Variants in RAB5B observed in about 807,000 individuals in gnomAD.
The protein encoded by RAB5B is RAB5B, member RAS oncogene family.
Under a neutral mutation model 28.6 loss-of-function variants are expected in RAB5B, and 11 were observed. The observed-to-expected ratio is 0.38, with a 90% CI of 0.24 to 0.64. The LOEUF (loss-of-function observed/expected upper bound fraction) is 0.64. RAB5B is among the 30% of genes least tolerant of loss of function. RAB5B has a pLI of 0.53. For missense variants in RAB5B, 169 were observed against 265.6 expected (o/e 0.64, Z 2.53); for synonymous variants, 93 against 97.9 (o/e 0.95, Z 0.29).
intron 1 of RAB5B, among the ~76,000 whole-genome samples, chr12:55,978,519 G>A (rs1419523386): frequency 6.6e-6 from 1 of 150,862 alleles, no homozygotes; most frequent in Non-Finnish European, 1.5e-5. Context: ...AAAAAAAAAA[G>A]AACCCAAATG....
At chr12:55,989,476 G>T (rs1041101124) in intron 2 of RAB5B, among the ~76,000 whole-genome samples, 1 of 151,824 alleles carries the variant, frequency 6.6e-6, no homozygotes, top group Non-Finnish European at 1.5e-5. Flanking sequence ...GTTTTGCCGT[G>T]TTGGCCAGAC....
In RAB5B at chr12:55,994,971, C is replaced by G. The variant is rs1373709836; in HGVS notation, c.*2759C>G. 1 of 151,992 alleles carries G rather than the reference C, an allele frequency of 6.6e-6. No homozygotes were observed. Among genetic ancestry groups the G allele is most frequent in the African/African-American group, 2.4e-5 (1 of 41,358 alleles). The allele number at this position is 151,992 out of a possible 1,614,324, so 9.4% of individuals were successfully genotyped here. A position where few individuals can be genotyped will look rare whatever the true frequency, so the allele number is the denominator to read the frequency against. ...TTCATCAAATCAAACCCTATTATAT[C>G]TTTTTAGGCCCTCTTAACAGAATGT... On this transcript the variant is annotated 3_prime_UTR_variant, in exon 6 of 6. Transcript: ENST00000360299.
Position 55,995,869 on chromosome 12 carries a change from G to A in RAB5B, c.*3657G>A, listed in dbSNP as rs2136498603. 6.7e-6 allele frequency: 1 copy of A among 148,648 alleles called. No homozygotes were observed. Among genetic ancestry groups the A allele is most frequent in the Middle Eastern group, 3.5e-3 (1 of 282 alleles). 9.2% of individuals were successfully genotyped at this position (148,648 alleles called of 1,614,324 possible). ...TAGATAGTCCCTAACTGACTTCTCT[G>A]TATCTTCCTTTGGCTGAGACTTTTT... On this transcript the variant is annotated 3_prime_UTR_variant, in exon 6 of 6. Transcript: ENST00000360299.
intron 1 of RAB5B, among the ~76,000 whole-genome samples, chr12:55,975,268 G>C (rs1392980284): frequency 2.6e-5 from 4 of 152,188 alleles, no homozygotes; most frequent in African/African-American, 9.7e-5. Context: ...TTCCCAGGCA[G>C]GTAATGGAGT....
chr12:55,987,704 G>T (rs1455701199), intron 2 of RAB5B, among the ~76,000 whole-genome samples: 1 of 151,586 alleles, frequency 6.6e-6, no homozygotes, highest in Non-Finnish European at 1.5e-5. Context: ...GGTGGCAGGC[G>T]CCTGTAATCC....
intron 1 of RAB5B, among the ~76,000 whole-genome samples, chr12:55,974,884 G>A (rs1429579403): frequency 6.6e-6 from 1 of 151,882 alleles, no homozygotes; most frequent in Non-Finnish European, 1.5e-5. Flanking sequence ...GTAATTTGAA[G>A]CTTTTTAAAA....
chr12:55,989,628 T>C (rs536687840), intron 2 of RAB5B, among the ~76,000 whole-genome samples: 27 of 152,356 alleles, frequency 1.8e-4, no homozygotes, highest in Non-Finnish European at 3.4e-4. Flanking sequence ...AGCTATTTTC[T>C]CTGTCATTTG....
chr12:55,982,424 G>T (rs1889835038), intron 1 of RAB5B, among the ~76,000 whole-genome samples: 1 of 152,008 alleles, frequency 6.6e-6, no homozygotes, highest in African/African-American at 2.4e-5. Flanking sequence ...CTTAGAGGTG[G>T]CTCAACAATT....
chr12:55,975,009 TG>T, intron 1 of RAB5B, among the ~76,000 whole-genome samples: 1 of 152,208 alleles, frequency 6.6e-6, no homozygotes, highest in Non-Finnish European at 1.5e-5. Context: ...TACTGCAGTC[TG>T]TTTCTTAACT....
intron 3 of RAB5B, 94 bp from the exon 4 acceptor site, chr12:55,990,588 C>G: frequency 6.6e-7 from 1 of 1,511,838 alleles, no homozygotes. Context: ...GGGAAGACCA[C>G]CTAGAAGAGG....
intron 5 of RAB5B, chr12:55,991,809 C>G (rs1890132335): frequency 1.2e-5 from 5 of 425,190 alleles, no homozygotes; most frequent in Non-Finnish European, 1.3e-5. Flanking sequence ...CACCTGTAGT[C>G]CCAGCTACTT....
rs201099877 is a variant in RAB5B, at chr12:55,990,816, C to G, written c.438+12C>G. 3 of 1,612,886 alleles carry G rather than the reference C, an allele frequency of 1.9e-6. No homozygotes were observed. Among genetic ancestry groups the G allele is most frequent in the East Asian group, 2.2e-5 (1 of 44,844 alleles). On this transcript the variant is annotated intron_variant, in intron 4 of 5. Coordinates refer to ENST00000360299, the MANE Select transcript of RAB5B (RefSeq NM_002868.4). ...TGGTGGAGTATGAAGTAAGGTGGCC[C>G]GTGGAGTTCCTCTCTAACACTTCCT...
chr12:55,978,823 A>C (rs1592793586), intron 1 of RAB5B, among the ~76,000 whole-genome samples: 1 of 146,086 alleles, frequency 6.8e-6, no homozygotes, highest in South Asian at 2.2e-4. Context: ...TCCAGGCTGG[A>C]GTACAGTGGT....
In RAB5B at chr12:55,990,101, A is replaced by C. The variant is rs202003378; in HGVS notation, c.315+3A>C. On this transcript the variant is annotated splice_donor_region_variant and intron_variant, in intron 3 of 5. Coordinates refer to ENST00000360299, the MANE Select transcript of RAB5B (RefSeq NM_002868.4). ...TGGTTTACGACATTACTAATCAGGT[A>C]AGTGAGCTAAGAAGACTGTCCTTGT... 1.9e-6 allele frequency: 3 copies of C among 1,611,658 alleles called. No homozygotes were observed. The highest frequency in any genetic ancestry group is 2.5e-6 in the Non-Finnish European group (3 of 1,178,632).
rs924613687 is a variant in RAB5B, at chr12:55,992,558, A to T, written c.*346A>T. The stretch of plus-strand genomic sequence containing the variant: ...GTGTTCCTCCCCATTTTTTCAGAAA[A>T]CACTTCTGACTCCTGTCCCTTCCCC... On this transcript the variant is annotated 3_prime_UTR_variant, in exon 6 of 6. Coordinates refer to ENST00000360299, the MANE Select transcript of RAB5B (RefSeq NM_002868.4). The T allele has an allele frequency of 8.4e-6, 4 of 477,434 alleles. No individual in the cohort carries two copies. The highest frequency in any genetic ancestry group is 5.9e-5 in the African/African-American group (3 of 50,902). 29.6% of individuals were successfully genotyped at this position (477,434 alleles called of 1,614,324 possible). A position where few individuals can be genotyped will look rare whatever the true frequency, so the allele number is the denominator to read the frequency against.
At position 55,995,184 on chromosome 12, in the gene RAB5B, G is replaced by C. The variant is rs893020018; in HGVS notation, c.*2972G>C. The C allele has an allele frequency of 6.6e-6, 1 of 151,942 alleles. No homozygotes were observed. Among genetic ancestry groups the C allele is most frequent in the Non-Finnish European group, 1.5e-5 (1 of 68,010 alleles). 9.4% of individuals were successfully genotyped at this position (151,942 alleles called of 1,614,324 possible). A position where few individuals can be genotyped will look rare whatever the true frequency, so the allele number is the denominator to read the frequency against. On this transcript the variant is annotated 3_prime_UTR_variant, in exon 6 of 6. Transcript: ENST00000360299. ...TGGCTCACAGCAATCTCCGCCTCCT[G>C]AGTTCAAGTGATTCTCCTGCCTCAG...
rs1291126406 is a variant in RAB5B at position 55,992,462 on chromosome 12, A to G, written c.*250A>G. On this transcript the variant is annotated 3_prime_UTR_variant, in exon 6 of 6. Coordinates refer to ENST00000360299, the MANE Select transcript of RAB5B (RefSeq NM_002868.4). ...CAACTCCCCCCAGGACTTACCTTCC[A>G]AAACAAACTTTCTTCACTTTGTATT... The G allele has an allele frequency of 4.6e-6, 3 of 657,684 alleles. No homozygotes were observed. The highest frequency in any genetic ancestry group is 5.6e-6 in the Non-Finnish European group (2 of 356,898). 40.7% of individuals were successfully genotyped at this position (657,684 alleles called of 1,614,324 possible). A position where few individuals can be genotyped will look rare whatever the true frequency, so the allele number is the denominator to read the frequency against.
chr12:55,982,107 G>A (rs765323951), intron 1 of RAB5B, among the ~76,000 whole-genome samples: 26 of 151,970 alleles, frequency 1.7e-4, no homozygotes, highest in Non-Finnish European at 3.5e-4. Context: ...CGGCAGAGCT[G>A]CACTTCTAAG....
intron 1 of RAB5B, chr12:55,980,312 A>G: frequency 2.5e-6 from 2 of 804,978 alleles, no homozygotes; most frequent in Non-Finnish European, 4.2e-6. Context: ...TCTCTTTACC[A>G]TCTACCTATG....
Sources: allele counts gnomAD v4.1 joint callset (sites outside exome capture counted in the v4.1 genomes callset), GRCh38; gene constraint gnomAD v4.1.1; transcripts MANE v1.5; gene names NCBI Gene and HGNC (gene_info 2026-07-23, HGNC 2026-07-21).